Variants in CEP128 observed in about 807,000 individuals in gnomAD.
CEP128 encodes centrosomal protein 128kDa.
Under a neutral mutation model 156.7 loss-of-function variants are expected in CEP128, and 132 were observed. The ratio of observed to expected loss-of-function variants is 0.84; its 90% CI spans 0.73 to 0.97. The LOEUF (loss-of-function observed/expected upper bound fraction) is 0.97, where lower values mean the gene tolerates loss of function less well. Ranked by LOEUF, CEP128 falls within the 50% of genes least tolerant of loss-of-function variation. CEP128 has a pLI of 0.00. For missense variants in CEP128, 1,252 were observed against 1,281.9 expected, an observed-to-expected ratio of 0.98 and a Z score of 0.36; for synonymous variants, 469 against 448.9, an observed-to-expected ratio of 1.04 and a Z score of -0.57.
At chr14:80,866,199 G>A (rs1036640823) in intron 8 of CEP128, among the ~76,000 whole-genome samples, 11 of 152,034 alleles carry the variant, frequency 7.2e-5, no homozygotes, top group African/African-American at 2.4e-4. Flanking sequence ...CGTGGGCCCA[G>A]GTACCAGGCC....
chr14:80,552,945 T>C (rs920069516), intron 21 of CEP128, among the ~76,000 whole-genome samples: 2 of 152,144 alleles, frequency 1.3e-5, no homozygotes, highest in Admixed American at 1.3e-4. Context: ...GATCCATTAT[T>C]CCAATGCCTT....
chr14:80,874,178 C>G (rs1888164823), intron 8 of CEP128, among the ~76,000 whole-genome samples: 1 of 151,920 alleles, frequency 6.6e-6, no homozygotes, highest in Non-Finnish European at 1.5e-5. Context: ...GAAAACGTAC[C>G]CTGGGTGCAG....
chr14:80,801,012 A>C (rs927137477), intron 13 of CEP128, among the ~76,000 whole-genome samples: 1 of 152,214 alleles, frequency 6.6e-6, no homozygotes, highest in Admixed American at 6.5e-5. Context: ...AACATTCACT[A>C]CCAAAAAACA....
Position 80,920,571 on chromosome 14 carries a change from T to A in CEP128, c.-15-4009A>T, listed in dbSNP as rs193250359. On this transcript the variant is annotated intron_variant, in intron 2 of 24. Transcript: ENST00000555265. ...TAATATCACTGGCATTAATGAAAACTGACCAGGCCTCTGAAAATATTTTCC... is the reference window on the plus strand; with the variant it reads ...TAATATCACTGGCATTAATGAAAACAGACCAGGCCTCTGAAAATATTTTCC... 3.3e-5 allele frequency among the ~76,000 whole-genome samples: 5 copies of A among 152,338 alleles called. No individual in the cohort carries two copies. In the East Asian group the frequency reaches 9.6e-4, roughly 29 times the overall value.
At chr14:80,512,031 G>A (rs1335733735) in intron 23 of CEP128, among the ~76,000 whole-genome samples, 1 of 152,004 alleles carries the variant, frequency 6.6e-6, no homozygotes, top group Non-Finnish European at 1.5e-5. Context: ...GTGCTGAGGA[G>A]AAGAATGTCT....
chr14:80,622,601 C>G (rs1387498376), intron 19 of CEP128, among the ~76,000 whole-genome samples: 1 of 150,080 alleles, frequency 6.7e-6, no homozygotes, highest in Non-Finnish European at 1.5e-5. Context: ...TGAACTCAAA[C>G]AAATTTACAA....
intron 16 of CEP128, among the ~76,000 whole-genome samples, chr14:80,773,175 T>C (rs1900607311): frequency 6.6e-6 from 1 of 152,194 alleles, no homozygotes; most frequent in African/African-American, 2.4e-5. Context: ...CTATAATTTC[T>C]CAGATTCTTG....
At chr14:80,798,953 T>C (rs1201567907) in intron 13 of CEP128, among the ~76,000 whole-genome samples, 1 of 152,220 alleles carries the variant, frequency 6.6e-6, no homozygotes, top group Non-Finnish European at 1.5e-5. Flanking sequence ...AAACAATGCA[T>C]ATTTTAAATA....
At chr14:80,723,203 T>C (rs1347904633) in intron 19 of CEP128, among the ~76,000 whole-genome samples, 2 of 152,212 alleles carry the variant, frequency 1.3e-5, no homozygotes, top group Middle Eastern at 3.4e-3. Flanking sequence ...CCCCATGTAA[T>C]ATAAAAATGC....
intron 19 of CEP128, among the ~76,000 whole-genome samples, chr14:80,694,008 T>G (rs1258259164): frequency 2.0e-5 from 3 of 152,192 alleles, no homozygotes; most frequent in Admixed American, 6.5e-5. Flanking sequence ...CCGTCAAAAG[T>G]GTTTTAGGTT....
At chr14:80,669,001 CAATT>C (rs1895736442) in intron 19 of CEP128, among the ~76,000 whole-genome samples, 3 of 152,168 alleles carry the variant, frequency 2.0e-5, no homozygotes, top group Admixed American at 2.0e-4. Flanking sequence ...AGCTGTGAGT[CAATT>C]AAACCTCTTT....
In CEP128 at chr14:80,523,251, C is replaced by T. The variant is rs565438849; in HGVS notation, c.3072+3618G>A. Reference sequence around the variant, plus strand: ...ACAGTAATATAGTCAGAATCTACAACTGAAATTCTAATAGTGATCCTCTCC... The same window carrying T: ...ACAGTAATATAGTCAGAATCTACAATTGAAATTCTAATAGTGATCCTCTCC... On this transcript the variant is annotated intron_variant, in intron 23 of 24. Transcript: ENST00000555265. Among the ~76,000 whole-genome samples, 91 of 152,334 alleles carry T rather than the reference C, an allele frequency of 6.0e-4. 1 individual carries two copies. The highest frequency in any genetic ancestry group is 3.4e-3 in the Middle Eastern group (1 of 294).
intron 2 of CEP128, among the ~76,000 whole-genome samples, chr14:80,920,473 CTTCTT>C (rs1884796964): frequency 2.0e-5 from 3 of 152,154 alleles, no homozygotes; most frequent in East Asian, 1.9e-4. Flanking sequence ...ATTATATACT[CTTCTT>C]TTGTCATTAA....
At chr14:80,928,525 T>C (rs189960617) in intron 2 of CEP128, among the ~76,000 whole-genome samples, 2 of 152,170 alleles carry the variant, frequency 1.3e-5, no homozygotes, top group Admixed American at 6.5e-5. Flanking sequence ...AACAGTAGAC[T>C]AGACCAAGAA....
chr14:80,523,250 A>G (rs1028992918), intron 23 of CEP128, among the ~76,000 whole-genome samples: 14 of 152,212 alleles, frequency 9.2e-5, no homozygotes, highest in African/African-American at 2.4e-4. Context: ...AGAATCTACA[A>G]CTGAAATTCT....
chr14:80,634,135 A>G (rs1894081068), intron 19 of CEP128, among the ~76,000 whole-genome samples: 1 of 152,210 alleles, frequency 6.6e-6, no homozygotes, highest in Non-Finnish European at 1.5e-5. Context: ...GAAAATGAGA[A>G]TTACTATAAG....
intron 13 of CEP128, among the ~76,000 whole-genome samples, chr14:80,810,426 TAATTA>T (rs1271198478): frequency 2.6e-5 from 4 of 151,756 alleles, no homozygotes; most frequent in East Asian, 1.9e-4. Flanking sequence ...TACCTGAATG[TAATTA>T]AATTAAATTC....
intron 19 of CEP128, among the ~76,000 whole-genome samples, chr14:80,678,020 C>A (rs1443457704): frequency 7.5e-6 from 1 of 132,806 alleles, no homozygotes; most frequent in African/African-American, 3.2e-5. Context: ...CCTCTACTTT[C>A]AACATGGACA....
At chr14:80,907,940 C>T (rs554791299) in intron 4 of CEP128, among the ~76,000 whole-genome samples, 2 of 152,148 alleles carry the variant, frequency 1.3e-5, no homozygotes, top group Admixed American at 6.5e-5. Flanking sequence ...TAAAAATTAG[C>T]GTCAGAAATA....
Sources: gnomAD v4.1 joint callset for allele counts (sites outside exome capture counted in the v4.1 genomes callset) on GRCh38, gnomAD v4.1.1 for gene constraint, MANE v1.5 for transcripts, NCBI Gene and HGNC (gene_info 2026-07-23, HGNC 2026-07-21) for gene names.